Variants in RBFOX1 observed in about 807,000 individuals in gnomAD.
RBFOX1 encodes the protein RNA binding protein fox-1 homolog 1.
Under a neutral mutation model 57.7 loss-of-function variants are expected in RBFOX1, and 8 were observed. The observed-to-expected ratio is 0.14, with a 90% CI of 0.08 to 0.25. The LOEUF (loss-of-function observed/expected upper bound fraction) is 0.25, where lower values mean the gene tolerates loss of function less well. RBFOX1 is among the 10% of genes least tolerant of loss of function. RBFOX1 has a pLI of 1.00. For synonymous variants in RBFOX1, 326 were observed against 222.4 expected, an observed-to-expected ratio of 1.47 and a Z score of -4.15; for missense variants, 611 against 548.5, an observed-to-expected ratio of 1.11 and a Z score of -1.14.
At chr16:7,649,053 G>C (rs529540976) in intron 11 of RBFOX1, among the ~76,000 whole-genome samples, 2 of 152,066 alleles carry the variant, frequency 1.3e-5, no homozygotes, top group African/African-American at 4.8e-5. Flanking sequence ...CTTGGATCTT[G>C]TGCAAAAAAA....
chr16:7,240,080 C>T (rs1006742904), intron 4 of RBFOX1, among the ~76,000 whole-genome samples: 4 of 152,156 alleles, frequency 2.6e-5, no homozygotes, highest in Non-Finnish European at 5.9e-5. Context: ...GATTCTCCTG[C>T]CTCAGACTCT....
At chr16:7,539,202 C>T (rs996152721) in intron 5 of RBFOX1, among the ~76,000 whole-genome samples, 1 of 152,016 alleles carries the variant, frequency 6.6e-6, no homozygotes, top group South Asian at 2.1e-4. Context: ...GAAGAAAACA[C>T]ATATTAGGTT....
At chr16:7,527,457 G>T (rs2078956576) in intron 5 of RBFOX1, among the ~76,000 whole-genome samples, 1 of 152,138 alleles carries the variant, frequency 6.6e-6, no homozygotes, top group East Asian at 1.9e-4. Context: ...CCATGTGTTT[G>T]ACGTTCTTTT....
At chr16:6,862,337 G>A (rs137940070) in intron 3 of RBFOX1, among the ~76,000 whole-genome samples, 2 of 152,262 alleles carry the variant, frequency 1.3e-5, no homozygotes, top group African/African-American at 2.4e-5. Context: ...GATGCTGATC[G>A]TGCAGGTTCC....
chr16:7,135,172 T>C (rs769266065), intron 4 of RBFOX1, among the ~76,000 whole-genome samples: 13 of 152,196 alleles, frequency 8.5e-5, no homozygotes, highest in Non-Finnish European at 1.6e-4. Flanking sequence ...CCCTGTTACA[T>C]TGTTCTGTTT....
At chr16:6,790,803 G>C (rs2082794993) in intron 3 of RBFOX1, among the ~76,000 whole-genome samples, 1 of 152,184 alleles carries the variant, frequency 6.6e-6, no homozygotes, top group Admixed American at 6.5e-5. Flanking sequence ...AGTTCTGCTA[G>C]AGGGTGGTAT....
chr16:7,032,875 C>T (rs974558045), intron 3 of RBFOX1, among the ~76,000 whole-genome samples: 7 of 152,144 alleles, frequency 4.6e-5, no homozygotes, highest in Non-Finnish European at 7.4e-5. Context: ...TCCAGATTCT[C>T]AAATTTCTGC....
chr16:6,635,233 C>A (rs963493406), intron 2 of RBFOX1, among the ~76,000 whole-genome samples: 1 of 150,264 alleles, frequency 6.7e-6, no homozygotes, highest in East Asian at 1.9e-4. Context: ...ATAATACTTT[C>A]AATTTATATA....
rs151080378 is a variant in RBFOX1 at position 6,134,771 on chromosome 16, G to A, written c.-127+114779G>A. On this transcript the variant is annotated intron_variant, in intron 1 of 15. Coordinates refer to ENST00000550418, the MANE Select transcript of RBFOX1 (RefSeq NM_018723.4). ...CGGCTCACTGCAATCTCCGCCTCCC[G>A]GGTTCACGCCATAAACTCAGAGTAT... Among the ~76,000 whole-genome samples, 130 of 151,296 alleles carry A rather than the reference G, an allele frequency of 8.6e-4. No individual in the cohort carries two copies. In the East Asian group the frequency reaches 0.02, roughly 23 times the overall value.
intron 1 of RBFOX1, among the ~76,000 whole-genome samples, chr16:5,370,185 C>G (rs1253273045): frequency 6.6e-6 from 1 of 152,176 alleles, no homozygotes; most frequent in African/African-American, 2.4e-5. Flanking sequence ...CTGGAAACTT[C>G]TCTCCTGACA....
intron 3 of RBFOX1, chr16:5,610,430 G>A (rs2151243015): frequency 6.6e-6 from 1 of 152,370 alleles, no homozygotes; most frequent in East Asian, 1.9e-4. Context: ...AGGTCACACA[G>A]CTAGGAAAGG....
intron 2 of RBFOX1, among the ~76,000 whole-genome samples, chr16:5,534,982 G>T (rs112553866): frequency 6.6e-6 from 1 of 152,186 alleles, no homozygotes; most frequent in Non-Finnish European, 1.5e-5. Context: ...GGCTTACTGT[G>T]AGTCAGTTCT....
chr16:7,294,994 G>C (rs2095862815), intron 4 of RBFOX1, among the ~76,000 whole-genome samples: 1 of 152,140 alleles, frequency 6.6e-6, no homozygotes, highest in Admixed American at 6.5e-5. Context: ...CTACCTTGCA[G>C]GATTTTGTGA....
At chr16:6,887,378 G>C (rs938163433) in intron 3 of RBFOX1, among the ~76,000 whole-genome samples, 6 of 152,212 alleles carry the variant, frequency 3.9e-5, no homozygotes, top group Admixed American at 2.6e-4. Flanking sequence ...TGGCCTTATG[G>C]GTTCATTGTG....
intron 2 of RBFOX1, among the ~76,000 whole-genome samples, chr16:6,432,417 A>G (rs1481700477): frequency 6.6e-6 from 1 of 152,058 alleles, no homozygotes; most frequent in Non-Finnish European, 1.5e-5. Flanking sequence ...CATGCCTGTA[A>G]TACCAGCACT....
At chr16:7,177,114 G>A (rs1347619884) in intron 4 of RBFOX1, among the ~76,000 whole-genome samples, 1 of 152,172 alleles carries the variant, frequency 6.6e-6, no homozygotes, top group Non-Finnish European at 1.5e-5. Flanking sequence ...ATTTAGTATT[G>A]TAGAACTGTG....
chr16:5,940,988 C>T (rs142677591), intron 4 of RBFOX1, among the ~76,000 whole-genome samples: 25 of 152,274 alleles, frequency 1.6e-4, no homozygotes, highest in African/African-American at 5.3e-4. Context: ...TCTGTTTCCT[C>T]ATCTTTACAG....
At chr16:7,143,506 C>G (rs1327346807) in intron 4 of RBFOX1, among the ~76,000 whole-genome samples, 1 of 152,050 alleles carries the variant, frequency 6.6e-6, no homozygotes, top group Admixed American at 6.6e-5. Context: ...ATATCCTACC[C>G]CCGCCCCTGG....
intron 3 of RBFOX1, among the ~76,000 whole-genome samples, chr16:6,879,364 A>ATC (rs1473110748): frequency 1.3e-5 from 2 of 152,016 alleles, no homozygotes; most frequent in East Asian, 1.9e-4. Flanking sequence ...TCCTAATTTC[A>ATC]TCTCTCTCTC....
Sources: allele counts gnomAD v4.1 joint callset (sites outside exome capture counted in the v4.1 genomes callset), GRCh38; gene constraint gnomAD v4.1.1; transcripts MANE v1.5; gene names NCBI Gene and HGNC (gene_info 2026-07-23, HGNC 2026-07-21).